The following LRRC51 variants were observed in gnomAD, a reference collection of about 807,000 sequenced individuals.
LRRC51 encodes leucine rich repeat containing 51.
LRRC51 carries 8 observed loss-of-function variants against 17.8 expected under a neutral mutation model. That is an observed-to-expected ratio of 0.45 (90% CI 0.26 to 0.81). LRRC51 has a LOEUF of 0.81. Ranked by LOEUF, LRRC51 falls within the 30% of genes least tolerant of loss-of-function variation. The probability of loss-of-function intolerance (pLI) is 0.17; values close to 1 mark genes in which losing one functional copy is unlikely to be tolerated. For synonymous variants in LRRC51, 92 were observed against 96.0 expected, an observed-to-expected ratio of 0.96 and a Z score of 0.24; for missense variants, 233 against 239.3, an observed-to-expected ratio of 0.97 and a Z score of 0.17.
chr11:72,090,206 G>A (rs1565316701), intron 3 of LRRC51, among the ~76,000 whole-genome samples: 1 of 152,184 alleles, frequency 6.6e-6, no homozygotes, highest in Non-Finnish European at 1.5e-5. Flanking sequence ...CACTTCTGAT[G>A]TAATCCATGT....
rs1029822118 is a variant in LRRC51 at position 72,095,768 on chromosome 11, G to A, written c.*248G>A. 3.3e-6 allele frequency: 3 copies of A among 910,138 alleles called. No homozygotes were observed. Among genetic ancestry groups the A allele is most frequent in the African/African-American group, 1.7e-5 (1 of 58,424 alleles). 56.4% of individuals were successfully genotyped at this position (910,138 alleles called of 1,614,324 possible). A position where few individuals can be genotyped will look rare whatever the true frequency, so the allele number is the denominator to read the frequency against. ...GCTCACTGCAACCTCAGCCTCCCAG[G>A]TTCAAGAGATTCTCCTGCCTCAGCC... On this transcript the variant is annotated 3_prime_UTR_variant, in exon 6 of 6. Transcript: ENST00000289488.
intron 1 of LRRC51, among the ~76,000 whole-genome samples, chr11:72,082,276 A>C (rs149278211): frequency 2.0e-5 from 3 of 152,326 alleles, no homozygotes; most frequent in Non-Finnish European, 4.4e-5. Flanking sequence ...AGTGACCATG[A>C]TTAGCTGGTT....
intron 1 of LRRC51, chr11:72,086,097 G>A (rs1406800417): frequency 3.3e-6 from 1 of 301,430 alleles, no homozygotes. Flanking sequence ...GGATACAGGG[G>A]AGACCATGAA....
rs1217238060 is a variant in LRRC51 at position 72,094,051 on chromosome 11, G to A, written c.288+350G>A. Among the ~76,000 whole-genome samples the A allele has an allele frequency of 3.9e-5, 6 of 152,202 alleles. No individual in the cohort carries two copies. In the South Asian group the frequency reaches 6.2e-4, roughly 16 times the overall value. On this transcript the variant is annotated intron_variant, in intron 4 of 5. Transcript: ENST00000289488. ...TGTAATCCCAGCACTTTGGGAGGCC[G>A]AGGTGGGTGGATCACAAGGTCAAGA... is the stretch of plus-strand genomic sequence containing the variant.
At chr11:72,094,621 C>A in intron 4 of LRRC51, 1 of 680,684 alleles carries the variant, frequency 1.5e-6, no homozygotes. Flanking sequence ...CTTCCTGTTG[C>A]TTGCTGTGAT....
At chr11:72,086,513 C>T in intron 1 of LRRC51, 3 of 699,236 alleles carry the variant, frequency 4.3e-6, no homozygotes, top group South Asian at 3.0e-5. Context: ...TCAGAATTGG[C>T]AGTTTCTCAT....
At chr11:72,084,756 C>T (rs1433986206) in intron 1 of LRRC51, among the ~76,000 whole-genome samples, 1 of 148,870 alleles carries the variant, frequency 6.7e-6, no homozygotes, top group East Asian at 2.0e-4. Flanking sequence ...GGGATTGCCT[C>T]AGCCCAGGAG....
At chr11:72,081,154 G>C (rs540105122) in intron 1 of LRRC51, among the ~76,000 whole-genome samples, 14 of 152,352 alleles carry the variant, frequency 9.2e-5, no homozygotes, top group Admixed American at 5.2e-4. Flanking sequence ...CGGGAGCGGT[G>C]GCTCACGCCT....
At chr11:72,084,911 C>A (rs1944447878) in intron 1 of LRRC51, among the ~76,000 whole-genome samples, 2 of 45,784 alleles carry the variant, frequency 4.4e-5, no homozygotes, top group Non-Finnish European at 9.6e-5. Context: ...TGTGTAAAAC[C>A]TTATTAGCTA....
chr11:72,089,052 C>T lies in LRRC51; in HGVS notation c.-32C>T, dbSNP rs763630317. 2.5e-6 allele frequency: 4 copies of T among 1,612,770 alleles called. No individual in the cohort carries two copies. The highest frequency in any genetic ancestry group is 3.4e-6 in the Non-Finnish European group (4 of 1,179,884). On this transcript the variant is annotated 5_prime_UTR_variant, in exon 3 of 6. Coordinates refer to ENST00000289488, the MANE Select transcript of LRRC51 (RefSeq NM_145309.6). Reference sequence around the variant, plus strand: ...AGGCTGAACCCAGACTCCCAGGGCACCTGCTTGCACCTTTGAATGATGGCC... The same window carrying T: ...AGGCTGAACCCAGACTCCCAGGGCATCTGCTTGCACCTTTGAATGATGGCC...
In LRRC51 at chr11:72,095,419, G is replaced by A. The variant is rs1238417397; in HGVS notation, c.478G>A (p.Asp160Asn). ...LCTLSRITTF[D>N]FSGVTKADRT... is the part of the protein sequence containing the mutation. ...CACCCTGTCCCGTATCACCACGTTCGACTTCAGTGGGGTCACCAAAGCAGA... is the reference window on the plus strand; with the variant it reads ...CACCCTGTCCCGTATCACCACGTTCAACTTCAGTGGGGTCACCAAAGCAGA... The change falls in exon 6 of 6, where the codon GAC becomes AAC. Residue 160 changes from aspartate to asparagine, a missense_variant. By Grantham distance (23) the Asp-to-Asn change is conservative. Coordinates refer to ENST00000289488, the MANE Select transcript of LRRC51 (RefSeq NM_145309.6). 9 of 1,613,962 alleles carry A rather than the reference G, an allele frequency of 5.6e-6. No homozygotes were observed. The highest frequency in any genetic ancestry group is 2.2e-5 in the East Asian group (1 of 44,868).
intron 1 of LRRC51, among the ~76,000 whole-genome samples, chr11:72,084,240 G>C (rs1478380158): frequency 6.6e-6 from 1 of 152,162 alleles, no homozygotes; most frequent in Non-Finnish European, 1.5e-5. Flanking sequence ...CTCGGGCCAG[G>C]CTGTTGAATC....
In LRRC51 at chr11:72,089,416, G is replaced by T. The variant is rs577947006; in HGVS notation, c.82+251G>T. On this transcript the variant is annotated intron_variant, in intron 3 of 5. Transcript: ENST00000289488. Reference sequence around the variant, plus strand: ...TGCCCCTGTTTGTTTTTTTTAAGCAGCAAATCTGAAAGGAAACAGGGGGCT... The same window carrying T: ...TGCCCCTGTTTGTTTTTTTTAAGCATCAAATCTGAAAGGAAACAGGGGGCT... The T allele has an allele frequency of 4.2e-6, 6 of 1,419,898 alleles. No individual in the cohort carries two copies. In the East Asian group the frequency reaches 1.6e-4, roughly 38 times the overall value. 88.0% of individuals were successfully genotyped at this position (1,419,898 alleles called of 1,614,324 possible).
rs1381831073 is a variant in LRRC51, at chr11:72,094,947, G to C, written c.289-1G>C. 2.5e-6 allele frequency: 4 copies of C among 1,614,042 alleles called. No homozygotes were observed. The highest frequency in any genetic ancestry group is 2.2e-5 in the East Asian group (1 of 44,870). ...TGGCTTTTGGTTTCCCTCCCCAACA[G>C]GTCCTAACAACTTTCTTCAACCTGA... On this transcript the variant is annotated splice_acceptor_variant, in intron 4 of 5. Coordinates refer to ENST00000289488, the MANE Select transcript of LRRC51 (RefSeq NM_145309.6). LOFTEE classifies it high-confidence loss of function.
At chr11:72,086,534 C>A (rs1385058790) in intron 1 of LRRC51, 2 of 695,224 alleles carry the variant, frequency 2.9e-6, no homozygotes, top group Admixed American at 4.1e-5. Flanking sequence ...TCATTCATCC[C>A]ACAAACATTT....
rs1162714621 is a variant in LRRC51, at chr11:72,096,608, C to T, written c.*1088C>T. ...GCCTGCTGGCCTGGGACACTGGAGA[C>T]GTGGGTTTACCACACAGCCTTGGGA... On this transcript the variant is annotated 3_prime_UTR_variant, in exon 6 of 6. Transcript: ENST00000289488. The T allele has an allele frequency of 1.1e-5, 16 of 1,480,274 alleles. No homozygotes were observed. Among genetic ancestry groups the T allele is most frequent in the Admixed American group, 4.9e-5 (2 of 40,714 alleles). The allele number at this position is 1,480,274 out of a possible 1,614,324, so 91.7% of individuals were successfully genotyped here. A position where few individuals can be genotyped will look rare whatever the true frequency, so the allele number is the denominator to read the frequency against.
chr11:72,086,961 G>C (rs1472023149), intron 1 of LRRC51, among the ~76,000 whole-genome samples: 4 of 152,176 alleles, frequency 2.6e-5, no homozygotes, highest in Non-Finnish European at 5.9e-5. Context: ...TAGACAGCCA[G>C]GTTCCTCTAT....
Position 72,096,840 on chromosome 11 carries a change from T to C in LRRC51, c.*1320T>C. 1 of 1,273,046 alleles carries C rather than the reference T, an allele frequency of 7.9e-7. No homozygotes were observed. Among genetic ancestry groups the C allele is most frequent in the Non-Finnish European group, 1.0e-6 (1 of 993,974 alleles). The allele number at this position is 1,273,046 out of a possible 1,614,324, so 78.9% of individuals were successfully genotyped here. A position where few individuals can be genotyped will look rare whatever the true frequency, so the allele number is the denominator to read the frequency against. ...ATCAAAGTAATTCCATTCTGTTTTA[T>C]ATGCTGGGATTCTGCTTAAGATTTC... is the stretch of plus-strand genomic sequence containing the variant. On this transcript the variant is annotated 3_prime_UTR_variant, in exon 6 of 6. Transcript: ENST00000289488.
intron 1 of LRRC51, among the ~76,000 whole-genome samples, chr11:72,083,200 A>G (rs1284316781): frequency 8.6e-5 from 13 of 151,950 alleles, no homozygotes; most frequent in Non-Finnish European, 1.5e-5. Context: ...GTGGTTTCCT[A>G]TTGCTCCCAT....
Sources: allele counts gnomAD v4.1 joint callset (sites outside exome capture counted in the v4.1 genomes callset), GRCh38; gene constraint gnomAD v4.1.1; transcripts MANE v1.5; gene names NCBI Gene and HGNC (gene_info 2026-07-23, HGNC 2026-07-21).